Variants in SHISA9 observed in about 807,000 individuals in gnomAD.
SHISA9 encodes shisa family member 9.
SHISA9 carries 13 observed loss-of-function variants against 38.0 expected under a neutral mutation model. The ratio of observed to expected loss-of-function variants is 0.34; its 90% CI spans 0.22 to 0.54. SHISA9 has a LOEUF of 0.54. SHISA9 is among the 20% of genes least tolerant of loss of function. The pLI is 0.91. For synonymous variants in SHISA9, 275 were observed against 242.0 expected, an observed-to-expected ratio of 1.14 and a Z score of -1.27; for missense variants, 538 against 575.8, an observed-to-expected ratio of 0.93 and a Z score of 0.67.
chr16:13,012,531 A>G (rs1021858244), intron 2 of SHISA9, among the ~76,000 whole-genome samples: 2 of 152,172 alleles, frequency 1.3e-5, no homozygotes, highest in African/African-American at 4.8e-5. Flanking sequence ...CTGGACAAGG[A>G]TGCACACGCT....
chr16:13,058,814 A>G (rs570841761), intron 2 of SHISA9, among the ~76,000 whole-genome samples: 2 of 151,780 alleles, frequency 1.3e-5, no homozygotes, highest in East Asian at 3.9e-4. Flanking sequence ...GATGTCTCCC[A>G]TAGCTAGGGA....
At chr16:12,985,942 G>A (rs1353400098) in intron 2 of SHISA9, among the ~76,000 whole-genome samples, 2 of 152,132 alleles carry the variant, frequency 1.3e-5, no homozygotes, top group African/African-American at 2.4e-5. Flanking sequence ...GAACCCTGCT[G>A]TCTTACCTAA....
At chr16:13,187,543 C>T (rs2050839245) in intron 2 of SHISA9, among the ~76,000 whole-genome samples, 1 of 151,832 alleles carries the variant, frequency 6.6e-6, no homozygotes, top group African/African-American at 2.4e-5. Context: ...CCATGTTGGC[C>T]AGGCTGGTCT....
intron 2 of SHISA9, among the ~76,000 whole-genome samples, chr16:13,067,570 C>G (rs1875382): frequency 0.03 from 4,568 of 152,342 alleles, 175 homozygotes; most frequent in Admixed American, 0.1. Context: ...CACCCGAGCC[C>G]AGGAGGTCAA....
chr16:13,214,525 C>G (rs749258358), intron 4 of SHISA9, among the ~76,000 whole-genome samples: 9 of 152,176 alleles, frequency 5.9e-5, no homozygotes, highest in Non-Finnish European at 1.2e-4. Flanking sequence ...CTTTAATGAG[C>G]TCGAACTGGG....
In SHISA9 at chr16:13,076,128, T is replaced by A. The variant is rs148064024; in HGVS notation, c.692-127266T>A. The stretch of plus-strand genomic sequence containing the variant: ...TTGCTGCAACCTCCACCTCCCATGT[T>A]CAAGCGATTCTCCTGCCTCAACCTC... On this transcript the variant is annotated intron_variant, in intron 2 of 4. Coordinates refer to ENST00000558583, the MANE Select transcript of SHISA9 (RefSeq NM_001145204.3). Among the ~76,000 whole-genome samples the A allele has an allele frequency of 1.1e-4, 16 of 152,004 alleles. No homozygotes were observed. The East Asian group carries it at 2.7e-3, about 26-fold the overall frequency.
chr16:13,089,429 C>G (rs1020443608), intron 2 of SHISA9, among the ~76,000 whole-genome samples: 1 of 152,134 alleles, frequency 6.6e-6, no homozygotes, highest in Non-Finnish European at 1.5e-5. Context: ...TCCATCTGGT[C>G]CTGGACTTTT....
intron 1 of SHISA9, chr16:12,911,264 C>T: frequency 1.0e-6 from 1 of 985,400 alleles, no homozygotes; most frequent in Non-Finnish European, 1.2e-6. Flanking sequence ...ACCGTAACAT[C>T]TGAGAAGCAC....
At chr16:13,391,219 C>A in the SHISA9 span, among the ~76,000 whole-genome samples, 41 of 152,088 alleles carry the variant, frequency 2.7e-4, no homozygotes, top group Non-Finnish European at 5.0e-4. Flanking sequence ...ATGCTATAGC[C>A]CACATTATTG....
chr16:13,137,402 G>C (rs2050359144), intron 2 of SHISA9, among the ~76,000 whole-genome samples: 1 of 152,000 alleles, frequency 6.6e-6, no homozygotes, highest in Non-Finnish European at 1.5e-5. Context: ...AAATAGTGTT[G>C]AATTGATCAC....
At chr16:13,171,562 G>A (rs1452880907) in intron 2 of SHISA9, among the ~76,000 whole-genome samples, 3 of 152,142 alleles carry the variant, frequency 2.0e-5, no homozygotes, top group African/African-American at 7.2e-5. Flanking sequence ...GCTGATGAAT[G>A]GGGGTGCTTC....
intron 2 of SHISA9, among the ~76,000 whole-genome samples, chr16:12,957,296 G>T (rs2071849499): frequency 6.6e-6 from 1 of 152,158 alleles, no homozygotes; most frequent in African/African-American, 2.4e-5. Flanking sequence ...TAGTCTGCTT[G>T]GGCTGTGTCT....
At chr16:13,342,840 C>T in the SHISA9 span, among the ~76,000 whole-genome samples, 7 of 152,254 alleles carry the variant, frequency 4.6e-5, no homozygotes, top group East Asian at 1.4e-3. Context: ...CCTGGCAACA[C>T]CCAGCACTAG....
At chr16:13,109,683 C>T (rs956613277) in intron 2 of SHISA9, among the ~76,000 whole-genome samples, 7 of 152,110 alleles carry the variant, frequency 4.6e-5, no homozygotes, top group African/African-American at 1.7e-4. Context: ...TGTTCTCATC[C>T]CTAACCTCAG....
the SHISA9 span, among the ~76,000 whole-genome samples, chr16:13,288,780 ACT>A: frequency 2.0e-5 from 3 of 151,662 alleles, no homozygotes; most frequent in African/African-American, 7.3e-5. Flanking sequence ...ACAGAGCAAG[ACT>A]CTGTCTTAAA....
chr16:13,310,609 T>C, the SHISA9 span, among the ~76,000 whole-genome samples: 1 of 152,054 alleles, frequency 6.6e-6, no homozygotes, highest in Non-Finnish European at 1.5e-5. Flanking sequence ...GAAGGACTTT[T>C]AGCAAAAAAT....
chr16:13,223,044 G>C (rs1020593990), intron 4 of SHISA9, among the ~76,000 whole-genome samples: 1 of 152,100 alleles, frequency 6.6e-6, no homozygotes, highest in African/African-American at 2.4e-5. Flanking sequence ...CAATTTTATA[G>C]GTGAAGCTTA....
chr16:13,473,329 TTTC>T, the SHISA9 span, among the ~76,000 whole-genome samples: 1 of 150,662 alleles, frequency 6.6e-6, no homozygotes, highest in South Asian at 2.1e-4. Context: ...CCTTTTACTT[TTTC>T]TTTTCTTTCT....
intron 2 of SHISA9, among the ~76,000 whole-genome samples, chr16:12,999,266 A>G (rs1220499321): frequency 6.6e-6 from 1 of 152,104 alleles, no homozygotes; most frequent in Non-Finnish European, 1.5e-5. Context: ...AAATGGAAAA[A>G]ACCTGGCACT....
Sources: gnomAD v4.1 joint callset for allele counts (sites outside exome capture counted in the v4.1 genomes callset) on GRCh38, gnomAD v4.1.1 for gene constraint, MANE v1.5 for transcripts, NCBI Gene and HGNC (gene_info 2026-07-23, HGNC 2026-07-21) for gene names.